The following SUMF1 variants were observed in gnomAD, a reference collection of about 807,000 sequenced individuals.
SUMF1 encodes sulfatase modifying factor 1.
Under a neutral mutation model 47.6 loss-of-function variants are expected in SUMF1, and 48 were observed. The ratio of observed to expected loss-of-function variants is 1.01; its 90% CI spans 0.80 to 1.28. SUMF1 has a LOEUF of 1.28. Ranked by LOEUF, SUMF1 falls within the 50% of genes most tolerant of loss-of-function variation. SUMF1 has a pLI of 0.00. For missense variants in SUMF1, 571 were observed against 485.4 expected, an observed-to-expected ratio of 1.18 and a Z score of -1.66; for synonymous variants, 230 against 192.1, an observed-to-expected ratio of 1.20 and a Z score of -1.63.
chr3:4,420,074 T>C lies in SUMF1; in HGVS notation c.592A>G (p.Ile198Val), dbSNP rs762464831. Reference protein sequence around the residue: ...WRHPEGPDSTILHRPDHPVLH... With the variant: ...WRHPEGPDSTVLHRPDHPVLH... ...AGGGACCAGCCTCACCTGTGCAGAA[T>C]AGTAGAGTCAGGCCCTTCTGGGTGT... is the stretch of plus-strand genomic sequence containing the variant. The change falls in exon 4 of 9, where the codon ATT (isoleucine) becomes GTT (valine). Residue 198 changes from isoleucine (I) to valine (V), a missense_variant. Transcript: ENST00000272902. 2 of 1,614,048 alleles carry C rather than the reference T, an allele frequency of 1.2e-6. No individual in the cohort carries two copies. The highest frequency in any genetic ancestry group is 2.2e-5 in the East Asian group (1 of 44,874).
At chr3:4,383,713 C>T (rs562342079) in intron 7 of SUMF1, among the ~76,000 whole-genome samples, 10 of 152,266 alleles carry the variant, frequency 6.6e-5, no homozygotes, top group African/African-American at 1.7e-4. Context: ...GTGACAAAGA[C>T]CTACTGTGTC....
intron 8 of SUMF1, among the ~76,000 whole-genome samples, chr3:4,298,191 C>A (rs1697891991): frequency 6.6e-6 from 1 of 152,110 alleles, no homozygotes; most frequent in Non-Finnish European, 1.5e-5. Flanking sequence ...ATACATTTTT[C>A]CCCACCATCT....
chr3:4,224,131 T>C (rs73120087), intron 8 of SUMF1, among the ~76,000 whole-genome samples: 1,688 of 152,164 alleles, frequency 0.011, 28 homozygotes, highest in African/African-American at 0.038. Flanking sequence ...TGTCTGTCAT[T>C]AGCAGAAAAA....
intron 9 of SUMF1, among the ~76,000 whole-genome samples, chr3:4,059,871 G>A (rs1182063412): frequency 6.6e-6 from 1 of 151,924 alleles, no homozygotes; most frequent in Non-Finnish European, 1.5e-5. Context: ...AAGGGGTGAT[G>A]TGCTGGATAA....
At chr3:4,206,641 G>A (rs113181627) in intron 8 of SUMF1, among the ~76,000 whole-genome samples, 196 of 152,116 alleles carry the variant, frequency 1.3e-3, no homozygotes, top group African/African-American at 4.2e-3. Flanking sequence ...CTCCTTCCTC[G>A]AAATGATTTT....
chr3:4,237,213 T>G (rs111790111), intron 8 of SUMF1, among the ~76,000 whole-genome samples: 1,746 of 152,246 alleles, frequency 0.011, 33 homozygotes, highest in African/African-American at 0.04. Context: ...CCAAACTGTT[T>G]TGCACAGTGG....
intron 8 of SUMF1, among the ~76,000 whole-genome samples, chr3:4,350,332 CGTGTGTGTGTGT>C (rs10674918): frequency 6.8e-6 from 1 of 146,466 alleles, no homozygotes; most frequent in African/African-American, 2.6e-5. Flanking sequence ...TGTGTATATG[CGTGTGTGTGTGT>C]GTGTGTGTGT....
chr3:4,163,269 G>T (rs1241470078), intron 8 of SUMF1, among the ~76,000 whole-genome samples: 1 of 147,654 alleles, frequency 6.8e-6, no homozygotes, highest in African/African-American at 2.5e-5. Flanking sequence ...ATCTCTCCTT[G>T]TTTTTATTGT....
chr3:4,371,790 A>T (rs977391151), intron 8 of SUMF1, among the ~76,000 whole-genome samples: 7 of 152,330 alleles, frequency 4.6e-5, no homozygotes, highest in African/African-American at 1.7e-4. Context: ...CACTGTATAC[A>T]TGAGGAAAAA....
intron 8 of SUMF1, among the ~76,000 whole-genome samples, chr3:4,253,305 G>A (rs969961203): frequency 6.6e-6 from 1 of 152,212 alleles, no homozygotes; most frequent in Non-Finnish European, 1.5e-5. Flanking sequence ...CTCCCAGCGT[G>A]AGTGACGCAG....
At chr3:4,065,357 AG>A (rs1328174982) in intron 9 of SUMF1, among the ~76,000 whole-genome samples, 1 of 152,160 alleles carries the variant, frequency 6.6e-6, no homozygotes, top group Non-Finnish European at 1.5e-5. Flanking sequence ...TAGAGCCTGA[AG>A]AAGATGTACA....
At chr3:4,244,963 T>C (rs1027232463) in intron 8 of SUMF1, among the ~76,000 whole-genome samples, 1 of 152,064 alleles carries the variant, frequency 6.6e-6, no homozygotes, top group Non-Finnish European at 1.5e-5. Flanking sequence ...TTTTCTCTTG[T>C]CTTCTTGCTT....
intron 7 of SUMF1, among the ~76,000 whole-genome samples, chr3:4,377,138 TAATA>T (rs1319066062): frequency 6.6e-6 from 1 of 152,134 alleles, no homozygotes; most frequent in Non-Finnish European, 1.5e-5. Flanking sequence ...GTGTAATACT[TAATA>T]AATAGTTTGC....
intron 8 of SUMF1, among the ~76,000 whole-genome samples, chr3:4,260,866 A>C (rs2125023215): frequency 6.6e-6 from 1 of 152,304 alleles, no homozygotes; most frequent in Non-Finnish European, 1.5e-5. Context: ...GCCACTAGCC[A>C]AGGAATGCAG....
intron 9 of SUMF1, among the ~76,000 whole-genome samples, chr3:4,064,945 A>G (rs1695344184): frequency 6.6e-6 from 1 of 152,200 alleles, no homozygotes; most frequent in South Asian, 2.1e-4. Flanking sequence ...AACTGATGTA[A>G]CAAATGGAAG....
In SUMF1 at chr3:4,226,519, C is replaced by T. The variant is rs556766052; in HGVS notation, c.1014+149811G>A. Among the ~76,000 whole-genome samples, 18 of 152,106 alleles carry T rather than the reference C, an allele frequency of 1.2e-4. 1 individual carries two copies. In the South Asian group the frequency reaches 1.5e-3, roughly 12 times the overall value. ...CCTTGACCTCATGATTTGCCCACCTCGGCCTACCAAAGTGCTGGGATTACA... is the reference window on the plus strand; with the variant it reads ...CCTTGACCTCATGATTTGCCCACCTTGGCCTACCAAAGTGCTGGGATTACA... On this transcript the variant is annotated intron_variant and NMD_transcript_variant, in intron 8 of 12. Transcript: ENST00000448413.
At chr3:4,046,555 A>G (rs1287554989) in intron 9 of SUMF1, among the ~76,000 whole-genome samples, 1 of 152,112 alleles carries the variant, frequency 6.6e-6, no homozygotes. Flanking sequence ...GCACATATCC[A>G]GTCATTCAAG....
intron 8 of SUMF1, among the ~76,000 whole-genome samples, chr3:4,300,746 G>T (rs924701785): frequency 6.6e-6 from 1 of 152,042 alleles, no homozygotes; most frequent in African/African-American, 2.4e-5. Flanking sequence ...AAAAGACTAG[G>T]GAAAGAAAAC....
intron 8 of SUMF1, among the ~76,000 whole-genome samples, chr3:4,352,395 G>C (rs1699522453): frequency 6.6e-6 from 1 of 152,168 alleles, no homozygotes; most frequent in Non-Finnish European, 1.5e-5. Context: ...CAAGACAAGA[G>C]AAGACATAGA....
Sources: allele counts gnomAD v4.1 joint callset (sites outside exome capture counted in the v4.1 genomes callset), GRCh38; gene constraint gnomAD v4.1.1; transcripts MANE v1.5; gene names NCBI Gene and HGNC (gene_info 2026-07-23, HGNC 2026-07-21).